Variants in TMTC2 observed in about 807,000 individuals in gnomAD.
TMTC2 encodes the protein transmembrane O-mannosyltransferase targeting cadherins 2, also known as protein O-mannosyl-transferase TMTC2.
In TMTC2, 43 loss-of-function variants were observed where a neutral mutation model predicts 82.4. The observed-to-expected ratio is 0.52, with a 90% CI of 0.41 to 0.67. TMTC2 has a LOEUF of 0.67. TMTC2 is among the 30% of genes least tolerant of loss of function. The pLI, the probability that TMTC2 is intolerant of heterozygous loss-of-function variation, is 0.00. For missense variants in TMTC2, 919 were observed against 1,012.4 expected (o/e 0.91, Z 1.25); for synonymous variants, 408 against 381.9 (o/e 1.07, Z -0.80).
In TMTC2 at chr12:83,130,014, A is replaced by G. The variant is rs562037537; in HGVS notation, c.2332-2196A>G. On this transcript the variant is annotated intron_variant, in intron 11 of 11. Coordinates refer to ENST00000321196, the MANE Select transcript of TMTC2 (RefSeq NM_152588.3). ...TGGTAATAAAGTGATTCAAGAAATA[A>G]TGACTATCCCACAGAGCCATCTGTT... Among the ~76,000 whole-genome samples, 5 of 152,290 alleles carry G rather than the reference A, an allele frequency of 3.3e-5. No homozygotes were observed. The South Asian group carries it at 6.2e-4, about 19-fold the overall frequency.
chr12:82,854,592 A>C (rs1592576547), intron 1 of TMTC2, among the ~76,000 whole-genome samples: 1 of 152,328 alleles, frequency 6.6e-6, no homozygotes, highest in African/African-American at 2.4e-5. Flanking sequence ...ATAGGGAAAT[A>C]AATTTTTTTC....
intron 9 of TMTC2, among the ~76,000 whole-genome samples, chr12:83,035,326 G>A (rs940078399): frequency 6.6e-6 from 1 of 152,092 alleles, no homozygotes; most frequent in African/African-American, 2.4e-5. Flanking sequence ...TTTTCAGATT[G>A]GCTTGCAAGA....
intron 1 of TMTC2, among the ~76,000 whole-genome samples, chr12:82,735,908 G>A (rs1039999076): frequency 9.2e-5 from 14 of 151,986 alleles, no homozygotes; most frequent in African/African-American, 3.4e-4. Context: ...GGGAGGCATA[G>A]GTTGCAGTGA....
At chr12:82,841,569 G>A (rs1870336968) in intron 1 of TMTC2, among the ~76,000 whole-genome samples, 1 of 152,172 alleles carries the variant, frequency 6.6e-6, no homozygotes, top group Non-Finnish European at 1.5e-5. Flanking sequence ...CTCTGATTTA[G>A]CTGTGAGGCT....
chr12:83,064,429 T>G (rs1882850082), intron 11 of TMTC2, among the ~76,000 whole-genome samples: 1 of 151,984 alleles, frequency 6.6e-6, no homozygotes, highest in South Asian at 2.1e-4. Flanking sequence ...TTTCCTTATC[T>G]GGCAACAATA....
chr12:82,735,398 T>A (rs1488812533), intron 1 of TMTC2, among the ~76,000 whole-genome samples: 1 of 150,842 alleles, frequency 6.6e-6, no homozygotes, highest in Non-Finnish European at 1.5e-5. Flanking sequence ...CAGGCTGGAG[T>A]GCAGTGGCGC....
intron 4 of TMTC2, among the ~76,000 whole-genome samples, chr12:82,949,056 A>G (rs978215445): frequency 1.3e-5 from 2 of 152,340 alleles, no homozygotes; most frequent in East Asian, 1.9e-4. Context: ...TTTTGAATGA[A>G]TAAACAAGTC....
At chr12:83,120,097 A>G (rs911289914) in intron 11 of TMTC2, among the ~76,000 whole-genome samples, 1 of 152,276 alleles carries the variant, frequency 6.6e-6, no homozygotes, top group South Asian at 2.1e-4. Context: ...GCAATTCTGT[A>G]TCTTTTAAGT....
intron 2 of TMTC2, among the ~76,000 whole-genome samples, chr12:82,882,566 A>T (rs771389931): frequency 2.0e-5 from 3 of 151,910 alleles, no homozygotes; most frequent in Admixed American, 1.3e-4. Context: ...TGCTTAGTAA[A>T]CCCAGAATGT....
intron 8 of TMTC2, among the ~76,000 whole-genome samples, chr12:83,010,057 C>T (rs576111663): frequency 6.6e-6 from 1 of 152,286 alleles, no homozygotes; most frequent in East Asian, 1.9e-4. Flanking sequence ...CACCACTCAC[C>T]TCCTGCTGTG....
intron 9 of TMTC2, among the ~76,000 whole-genome samples, chr12:83,043,767 A>G (rs560736260): frequency 6.6e-6 from 1 of 152,336 alleles, no homozygotes; most frequent in South Asian, 2.1e-4. Context: ...TTTTGTGTAT[A>G]GTAGACACAA....
At chr12:82,975,970 G>A (rs1878652219) in intron 7 of TMTC2, among the ~76,000 whole-genome samples, 1 of 151,504 alleles carries the variant, frequency 6.6e-6, no homozygotes, top group Non-Finnish European at 1.5e-5. Context: ...GTTTTATTAA[G>A]CCATTTTATT....
chr12:82,712,731 AG>A (rs1433447413), intron 1 of TMTC2, among the ~76,000 whole-genome samples: 2 of 152,214 alleles, frequency 1.3e-5, no homozygotes, highest in African/African-American at 4.8e-5. Flanking sequence ...ACACTGAGGT[AG>A]GCAGAAATCA....
intron 4 of TMTC2, among the ~76,000 whole-genome samples, chr12:82,933,555 C>A (rs888795147): frequency 6.6e-6 from 1 of 152,146 alleles, no homozygotes; most frequent in African/African-American, 2.4e-5. Flanking sequence ...GGACACATAA[C>A]GTGATAATAC....
chr12:83,033,502 C>G (rs959202959), intron 9 of TMTC2, among the ~76,000 whole-genome samples: 1 of 152,276 alleles, frequency 6.6e-6, no homozygotes, highest in East Asian at 1.9e-4. Flanking sequence ...CCTGCAATCC[C>G]AGCACTTTGG....
intron 4 of TMTC2, among the ~76,000 whole-genome samples, chr12:82,960,013 A>C (rs1292424360): frequency 6.6e-6 from 1 of 152,054 alleles, no homozygotes; most frequent in Non-Finnish European, 1.5e-5. Context: ...AAAAAGAAAG[A>C]TATGAGCAGA....
intron 8 of TMTC2, among the ~76,000 whole-genome samples, chr12:82,988,410 T>C (rs138635583): frequency 7.4e-4 from 112 of 152,252 alleles, no homozygotes; most frequent in African/African-American, 2.6e-3. Flanking sequence ...AATGGGGTAG[T>C]AAATTGCAGC....
intron 1 of TMTC2, among the ~76,000 whole-genome samples, chr12:82,765,846 A>G (rs1192226905): frequency 1.3e-5 from 2 of 152,206 alleles, no homozygotes; most frequent in African/African-American, 4.8e-5. Context: ...TCTATGTATT[A>G]AAAGATAATA....
intron 8 of TMTC2, among the ~76,000 whole-genome samples, chr12:83,003,245 C>CT (rs1185834529): frequency 6.6e-6 from 1 of 151,982 alleles, no homozygotes; most frequent in Non-Finnish European, 1.5e-5. Context: ...GACCTCATCT[C>CT]TTTTTTTTCC....
Sources: allele counts gnomAD v4.1 joint callset (sites outside exome capture counted in the v4.1 genomes callset), GRCh38; gene constraint gnomAD v4.1.1; transcripts MANE v1.5; gene names NCBI Gene and HGNC (gene_info 2026-07-23, HGNC 2026-07-21).